The following HUWE1 variants were observed in gnomAD, a reference collection of about 807,000 sequenced individuals.
The protein encoded by HUWE1 is HECT, UBA and WWE domain containing E3 ubiquitin protein ligase 1.
HUWE1 carries 18 observed loss-of-function variants against 299.4 expected under a neutral mutation model. The observed-to-expected ratio is 0.06, with a 90% CI of 0.04 to 0.09. The LOEUF is 0.09. HUWE1 is among the 10% of genes least tolerant of loss of function. The probability of loss-of-function intolerance (pLI) is 1.00; values close to 1 mark genes in which losing one functional copy is unlikely to be tolerated. For missense variants in HUWE1, 1,832 were observed against 3,462.3 expected (o/e 0.53, Z 11.82); for synonymous variants, 1,317 against 1,286.1 (o/e 1.02, Z -0.51).
intron 43 of HUWE1, among the ~76,000 whole-genome samples, chrX:53,580,396 T>A (rs266787): frequency 0.038 from 4,251 of 112,335 alleles, 82 homozygotes; most frequent in Middle Eastern, 0.065. Flanking sequence ...ATATAGAACA[T>A]CTCACAATTT....
chrX:53,579,326 G>T (rs1312600813), intron 43 of HUWE1, among the ~76,000 whole-genome samples: 12 of 101,362 alleles, frequency 1.2e-4, no homozygotes, highest in South Asian at 5.1e-4. Context: ...AGGGTGGTGG[G>T]GGGGTCAGCC....
Position 53,552,710 on chromosome X carries a change from G to A in HUWE1, c.8678C>T (p.Ala2893Val), listed in dbSNP as rs201023450. ...TTGCACTTCCGCCACAGCTGGTGGGGCATCCCCAGGAGTGGAGCTGCCTGC... is the reference window on the plus strand; with the variant it reads ...TTGCACTTCCGCCACAGCTGGTGGGACATCCCCAGGAGTGGAGCTGCCTGC... ...PRAGSSTPGDAPPAVAEVQGR... is the reference protein window; with the variant it reads ...PRAGSSTPGDVPPAVAEVQGR... Residue 2893 changes from alanine to valine, a missense_variant, in exon 62 of 84, where the codon GCC (alanine) becomes GTC (valine). By Grantham distance (64) the Ala-to-Val change is moderately conservative. Around this residue, in one of 15 missense-constraint regions of HUWE1, gnomAD observed 143 missense variants for 148.1 expected, o/e 0.97. Coordinates refer to ENST00000262854, the MANE Select transcript of HUWE1 (RefSeq NM_031407.7). The A allele has an allele frequency of 8.3e-7, 1 of 1,210,223 alleles. No individual in the cohort carries two copies. The highest frequency in any genetic ancestry group is 1.7e-5 in the African/African-American group (1 of 57,292).
chrX:53,536,356 C>A, intron 79 of HUWE1, 24 bp downstream of exon 79: 1 of 1,207,702 alleles, frequency 8.3e-7, no homozygotes, highest in South Asian at 1.8e-5. Flanking sequence ...TGAAGACAGT[C>A]CCAGGACTAT....
At chrX:53,586,469 C>T (rs782281907) in intron 39 of HUWE1, 21 bp downstream of exon 39, 1 of 1,116,729 alleles carries the variant, frequency 9.0e-7, no homozygotes, top group Non-Finnish European at 1.2e-6. Flanking sequence ...GTCCTGCAGT[C>T]ATACATACTA....
At chrX:53,654,041 A>G in intron 4 of HUWE1, 22 bp downstream of exon 4, 1 of 1,119,796 alleles carries the variant, frequency 8.9e-7, no homozygotes, top group Non-Finnish European at 1.2e-6. Context: ...AAAATAAGCA[A>G]AGTAAACTTT....
chrX:53,549,454 A>G lies in HUWE1; in HGVS notation c.9540T>C (p.Leu3180=). The G allele has an allele frequency of 8.3e-7, 1 of 1,211,219 alleles. No homozygotes were observed. The highest frequency in any genetic ancestry group is 1.1e-6 in the Non-Finnish European group (1 of 895,382). The part of the protein sequence containing the change: ...DTLLRLRGRL[L]LDHEALSCLL... ...GACAAGAAAGGGCTTCGTGGTCCAG[A>G]AGGAGCCGTCCTCGGAGGCGGAGGA... Residue 3180 remains leucine (L), a synonymous_variant, in exon 67 of 84, where the codon CTT becomes CTC. Transcript: ENST00000262854.
At position 53,553,015 on chromosome X, in the gene HUWE1, T is replaced by C. The variant is rs186386489; in HGVS notation, c.8495-122A>G. The stretch of plus-strand genomic sequence containing the variant: ...TCAGCTCAGACTTCTCACTTCTCCC[T>C]TGCTGTCCCCCTCTCAATCTCACTT... On this transcript the variant is annotated intron_variant, in intron 61 of 83. Coordinates refer to ENST00000262854, the MANE Select transcript of HUWE1 (RefSeq NM_031407.7). The C allele has an allele frequency of 8.0e-5, 58 of 725,867 alleles. No individual in the cohort carries two copies. The East Asian group carries it at 1.7e-3, about 21-fold the overall frequency. 59.8% of individuals were successfully genotyped at this position (725,867 alleles called of 1,213,427 possible). A position where few individuals can be genotyped will look rare whatever the true frequency, so the allele number is the denominator to read the frequency against.
intron 49 of HUWE1, among the ~76,000 whole-genome samples, chrX:53,568,030 TCAA>T (rs1252982874): frequency 8.9e-6 from 1 of 112,156 alleles, no homozygotes; most frequent in Non-Finnish European, 1.9e-5. Flanking sequence ...CACGGTCGCT[TCAA>T]CAAGCTGGAA....
Position 53,611,206 on chromosome X carries a change from A to G in HUWE1, c.2262-2297T>C, listed in dbSNP as rs1399852676. The stretch of plus-strand genomic sequence containing the variant: ...GATTTTGTAAAAAAAAAAAAAAAAA[A>G]AAAGAAAGGGTAGTGTCTAAGCCTG... On this transcript the variant is annotated intron_variant, in intron 23 of 83. Coordinates refer to ENST00000262854, the MANE Select transcript of HUWE1 (RefSeq NM_031407.7). 8.9e-3 allele frequency among the ~76,000 whole-genome samples: 968 copies of G among 109,267 alleles called. 42 individuals are homozygous for G. Among genetic ancestry groups the G allele is most frequent in the Admixed American group, 0.085 (861 of 10,098 alleles). The allele number at this position is 109,267 out of a possible 115,157, so 94.9% of individuals were successfully genotyped here.
At chrX:53,571,855 T>C (rs1332600961) in intron 47 of HUWE1, among the ~76,000 whole-genome samples, 1 of 111,607 alleles carries the variant, frequency 9.0e-6, no homozygotes, top group Non-Finnish European at 1.9e-5. Context: ...CTGGTAATAA[T>C]ATAAACTGAC....
intron 23 of HUWE1, among the ~76,000 whole-genome samples, chrX:53,613,066 C>CA (rs2065584909): frequency 9.0e-6 from 1 of 111,149 alleles, no homozygotes; most frequent in Non-Finnish European, 1.9e-5. Context: ...CACTGACATT[C>CA]AAGGGTGTGA....
At chrX:53,600,375 A>G in intron 28 of HUWE1, 66 bp from the exon 29 acceptor site, 1 of 815,100 alleles carries the variant, frequency 1.2e-6, no homozygotes, top group Non-Finnish European at 1.8e-6. Flanking sequence ...TTCCTTGAGA[A>G]GTACTGACAA....
At position 53,583,544 on chromosome X, in the gene HUWE1, C is replaced by T. The variant is rs1474314945; in HGVS notation, c.5520+14G>A. On this transcript the variant is annotated intron_variant, in intron 42 of 83. Coordinates refer to ENST00000262854, the MANE Select transcript of HUWE1 (RefSeq NM_031407.7). ...TGTAAAGCTAAACCAGAATCTGATA[C>T]AAAACACACTCACCTTTTCCATGGT... 3.6e-6 allele frequency: 4 copies of T among 1,118,013 alleles called. No individual in the cohort carries two copies. The highest frequency in any genetic ancestry group is 1.8e-5 in the South Asian group (1 of 54,771). 92.1% of individuals were successfully genotyped at this position (1,118,013 alleles called of 1,213,427 possible). A position where few individuals can be genotyped will look rare whatever the true frequency, so the allele number is the denominator to read the frequency against.
intron 61 of HUWE1, among the ~76,000 whole-genome samples, chrX:53,554,352 T>C (rs782442950): frequency 9.1e-6 from 1 of 110,275 alleles, no homozygotes; most frequent in Non-Finnish European, 1.9e-5. Flanking sequence ...CATACCCAGC[T>C]GGAGAGTTGT....
At chrX:53,643,355 CT>C (rs797024550) in intron 7 of HUWE1, among the ~76,000 whole-genome samples, 31 of 103,531 alleles carry the variant, frequency 3.0e-4, no homozygotes, top group South Asian at 8.2e-4. Flanking sequence ...CAATCATTTT[CT>C]TTTTTTTTTT....
intron 68 of HUWE1, among the ~76,000 whole-genome samples, chrX:53,547,141 C>T (rs1425377477): frequency 2.7e-5 from 3 of 112,318 alleles, no homozygotes; most frequent in Non-Finnish European, 3.8e-5. Flanking sequence ...TTTCTTCCAA[C>T]TATTCCCCCA....
chrX:53,609,376 A>G (rs914623357), intron 23 of HUWE1, among the ~76,000 whole-genome samples: 3 of 112,598 alleles, frequency 2.7e-5, no homozygotes, highest in Non-Finnish European at 5.6e-5. Flanking sequence ...AAGAGGCTAG[A>G]CAAAGAAACA....
At chrX:53,580,190 C>G (rs1329595923) in intron 43 of HUWE1, among the ~76,000 whole-genome samples, 1 of 110,680 alleles carries the variant, frequency 9.0e-6, no homozygotes, top group Admixed American at 9.5e-5. Context: ...CATTATAATA[C>G]CCCCCAAATT....
At chrX:53,600,032 G>T in intron 29 of HUWE1, 86 bp downstream of exon 29, 2 of 906,926 alleles carry the variant, frequency 2.2e-6, no homozygotes, top group South Asian at 2.0e-5. Flanking sequence ...TTCCTTAGGT[G>T]AAACAACATA....
Sources: gnomAD v4.1 joint callset for allele counts (sites outside exome capture counted in the v4.1 genomes callset) on GRCh38, gnomAD v4.1.1 for gene constraint, gnomAD v4.1.1 regional missense constraint, MANE v1.5 for transcripts, NCBI Gene and HGNC (gene_info 2026-07-23, HGNC 2026-07-21) for gene names.